Variants in MYOM3 observed in about 807,000 individuals in gnomAD.
MYOM3 encodes myomesin-3.
A neutral mutation model predicts 191.7 loss-of-function variants in MYOM3; 155 were observed. That is an observed-to-expected ratio of 0.81 (90% CI 0.71 to 0.92). MYOM3 has a LOEUF of 0.92. MYOM3 is among the 40% of genes least tolerant of loss of function. The probability of loss-of-function intolerance (pLI) is 0.00; values close to 1 mark genes in which losing one functional copy is unlikely to be tolerated. For synonymous variants in MYOM3, 757 were observed against 762.9 expected (o/e 0.99, Z 0.13); for missense variants, 1,889 against 1,890.6 (o/e 1.00, Z 0.02).
At chr1:24,086,559 G>A (rs1643749439) in intron 15 of MYOM3, 85 bp downstream of exon 15, 2 of 1,375,394 alleles carry the variant, frequency 1.5e-6, no homozygotes, top group South Asian at 2.7e-5. Flanking sequence ...GGACAGGGAA[G>A]TGGGCAGGGC....
chr1:24,084,199 C>G (rs1309810549), intron 16 of MYOM3: 5 of 410,120 alleles, frequency 1.2e-5, no homozygotes, highest in Non-Finnish European at 2.2e-5. Context: ...GGAGCAAGTT[C>G]TCATGAGATC....
intron 29 of MYOM3, among the ~76,000 whole-genome samples, chr1:24,064,935 G>A (rs1266372400): frequency 6.6e-6 from 1 of 152,152 alleles, no homozygotes; most frequent in African/African-American, 2.4e-5. Context: ...AGTGGCTTCT[G>A]ACCCCACCTT....
At chr1:24,066,898 C>T (rs1350678193) in intron 28 of MYOM3, 123 bp downstream of exon 28, 8 of 872,066 alleles carry the variant, frequency 9.2e-6, no homozygotes, top group South Asian at 5.8e-5. Context: ...TCTGTGTGTG[C>T]GATCAGCCAA....
intron 19 of MYOM3, among the ~76,000 whole-genome samples, chr1:24,080,826 A>G (rs1411857624): frequency 6.6e-6 from 1 of 152,216 alleles, no homozygotes; most frequent in East Asian, 1.9e-4. Context: ...GCTGAACAAA[A>G]TGATGGAAGG....
chr1:24,080,539 G>A (rs1212075509), intron 19 of MYOM3, among the ~76,000 whole-genome samples: 1 of 152,104 alleles, frequency 6.6e-6, no homozygotes, highest in African/African-American at 2.4e-5. Context: ...TCAGACCTCT[G>A]GGGTTCATGT....
intron 4 of MYOM3, among the ~76,000 whole-genome samples, chr1:24,106,452 C>T (rs1643984170): frequency 6.6e-6 from 1 of 152,184 alleles, no homozygotes; most frequent in East Asian, 1.9e-4. Context: ...TCCTGATACT[C>T]ATCAGGGCTA....
chr1:24,107,070 T>C lies in MYOM3; in HGVS notation c.402+3A>G. 6.2e-7 allele frequency: 1 copy of C among 1,605,206 alleles called. No individual in the cohort carries two copies. Among genetic ancestry groups the C allele is most frequent in the Non-Finnish European group, 8.5e-7 (1 of 1,176,078 alleles). On this transcript the variant is annotated splice_donor_region_variant and intron_variant, in intron 4 of 36. Transcript: ENST00000374434. ...CCTGGGGCTCCACGGCCCACCCCCT[T>C]ACCCGCCGCCTCAGCGTCTTCCAGT...
At chr1:24,096,527 A>G (rs1287495761) in intron 7 of MYOM3, among the ~76,000 whole-genome samples, 2 of 152,150 alleles carry the variant, frequency 1.3e-5, no homozygotes. Flanking sequence ...GACAGCTCAA[A>G]TTTCTGCACA....
intron 24 of MYOM3, 143 bp from the exon 25 acceptor site, chr1:24,071,396 C>A: frequency 2.1e-6 from 2 of 969,284 alleles, no homozygotes. Context: ...GGGTGGGGCT[C>A]AGAGGAGGGT....
chr1:24,089,686 G>T, intron 13 of MYOM3, 21 bp from the exon 14 acceptor site: 1 of 1,558,978 alleles, frequency 6.4e-7, no homozygotes, highest in South Asian at 1.2e-5. Context: ...AGTCACCCGG[G>T]ACCGAGATGG....
chr1:24,090,870 T>C lies in MYOM3; in HGVS notation c.1359A>G (p.Val453=). ...YRFRVRAISR[V]GSSVPSKASE... ...AGGCCTTGGAGGGGACGCTGCTGCC[T>C]ACCCTGCTGATGGCTCTCACCCGGA... Residue 453 remains valine (V), a synonymous_variant, in exon 12 of 37, where the codon GTA becomes GTG. Coordinates refer to ENST00000374434, the MANE Select transcript of MYOM3 (RefSeq NM_152372.4). 2 of 1,614,134 alleles carry C rather than the reference T, an allele frequency of 1.2e-6. No homozygotes were observed. The highest frequency in any genetic ancestry group is 1.7e-6 in the Non-Finnish European group (2 of 1,180,004).
At chr1:24,070,834 G>A (rs2148545827) in intron 25 of MYOM3, among the ~76,000 whole-genome samples, 1 of 152,300 alleles carries the variant, frequency 6.6e-6, no homozygotes, top group South Asian at 2.1e-4. Context: ...AATGTCTGGT[G>A]GGGTAATCAG....
At chr1:24,100,432 C>T (rs1305785878) in intron 5 of MYOM3, among the ~76,000 whole-genome samples, 3 of 152,222 alleles carry the variant, frequency 2.0e-5, no homozygotes, top group African/African-American at 7.2e-5. Flanking sequence ...CCTACCAAGC[C>T]ATCCCCAGGG....
At position 24,076,200 on chromosome 1, in the gene MYOM3, G is replaced by T. The variant is rs763570271; in HGVS notation, c.2660C>A (p.Pro887Gln). 13 of 1,614,048 alleles carry T rather than the reference G, an allele frequency of 8.1e-6. No individual in the cohort carries two copies. In the South Asian group the frequency reaches 1.4e-4, roughly 18 times the overall value. ...QAMNSAGLGQ[P>Q]SMPTDPVLLE... ...GAGCACGGGATCAGTGGGCATGGAC[G>T]GTTGCCCCAGACCAGCTGAATTCAT... The change falls in exon 21 of 37, where the codon CCG becomes CAG. Residue 887 changes from proline to glutamine, a missense_variant. By Grantham distance (76) the Pro-to-Gln change is moderately conservative. Coordinates refer to ENST00000374434, the MANE Select transcript of MYOM3 (RefSeq NM_152372.4).
At chr1:24,072,145 G>T in intron 23 of MYOM3, 132 bp from the exon 24 acceptor site, 2 of 840,620 alleles carry the variant, frequency 2.4e-6, no homozygotes, top group Non-Finnish European at 2.0e-6. Context: ...CCGACCTTGG[G>T]GTTCCTTGGC....
intron 25 of MYOM3, among the ~76,000 whole-genome samples, chr1:24,068,968 C>T (rs995073149): frequency 1.3e-5 from 2 of 152,144 alleles, no homozygotes; most frequent in African/African-American, 4.8e-5. Context: ...AAGTGATCTG[C>T]CTGCCTCGGC....
intron 4 of MYOM3, 86 bp from the exon 5 acceptor site, chr1:24,106,163 A>T: frequency 1.4e-6 from 2 of 1,418,698 alleles, no homozygotes; most frequent in Non-Finnish European, 1.9e-6. Flanking sequence ...TGACACCCAG[A>T]CTCTGTAGTT....
rs956559070 is a variant in MYOM3, at chr1:24,098,122, A to G, written c.657-111T>C. 2.0e-5 allele frequency: 15 copies of G among 743,664 alleles called. No individual in the cohort carries two copies. The African/African-American group carries it at 2.4e-4, about 12-fold the overall frequency. The allele number at this position is 743,664 out of a possible 1,614,324, so 46.1% of individuals were successfully genotyped here. The stretch of plus-strand genomic sequence containing the variant: ...GAACTAAGGAAAGCCTCACGGTGCC[A>G]GGAAGAGACTTTGGTCATTATCTCT... On this transcript the variant is annotated intron_variant, in intron 6 of 36. Coordinates refer to ENST00000374434, the MANE Select transcript of MYOM3 (RefSeq NM_152372.4).
rs528714672 is a variant in MYOM3, at chr1:24,089,969, C to T, written c.1486+96G>A. 12 of 1,287,476 alleles carry T rather than the reference C, an allele frequency of 9.3e-6. No homozygotes were observed. The Middle Eastern group carries it at 1.5e-3, about 165-fold the overall frequency. The allele number at this position is 1,287,476 out of a possible 1,614,324, so 79.8% of individuals were successfully genotyped here. A position where few individuals can be genotyped will look rare whatever the true frequency, so the allele number is the denominator to read the frequency against. Reference sequence around the variant, plus strand: ...GCCCCACCTGCCCTCATCCCCCACACCCTGCACTGGGACAGCTTCTGCCTC... The same window carrying T: ...GCCCCACCTGCCCTCATCCCCCACATCCTGCACTGGGACAGCTTCTGCCTC... On this transcript the variant is annotated intron_variant, in intron 13 of 36. Transcript: ENST00000374434.
Sources: allele counts gnomAD v4.1 joint callset (sites outside exome capture counted in the v4.1 genomes callset), GRCh38; gene constraint gnomAD v4.1.1; transcripts MANE v1.5; gene names NCBI Gene and HGNC (gene_info 2026-07-23, HGNC 2026-07-21).